Variants in PLCB1 observed in about 807,000 individuals in gnomAD.
PLCB1 encodes the protein 1-phosphatidylinositol 4,5-bisphosphate phosphodiesterase beta-1.
A neutral mutation model predicts 161.8 loss-of-function variants in PLCB1; 46 were observed. That is an observed-to-expected ratio of 0.28 (90% CI 0.22 to 0.36). The LOEUF (loss-of-function observed/expected upper bound fraction) is 0.36, where lower values mean the gene tolerates loss of function less well. Ranked by LOEUF, PLCB1 falls within the 10% of genes least tolerant of loss-of-function variation. The probability of loss-of-function intolerance (pLI) is 1.00; values close to 1 mark genes in which losing one functional copy is unlikely to be tolerated. For missense variants in PLCB1, 1,016 were observed against 1,472.5 expected (o/e 0.69, Z 5.07); for synonymous variants, 517 against 503.7 (o/e 1.03, Z -0.35).
chr20:8,308,916 A>AT (rs552246373), intron 2 of PLCB1, among the ~76,000 whole-genome samples: 8 of 151,666 alleles, frequency 5.3e-5, no homozygotes, highest in East Asian at 1.9e-4. Context: ...GGACTCATAG[A>AT]TTTTTTTCTT....
rs532232450 is a variant in PLCB1, at chr20:8,577,722, A to G, written c.247-50572A>G. Among the ~76,000 whole-genome samples the G allele has an allele frequency of 1.2e-3, 179 of 152,282 alleles. 5 individuals are homozygous for G. In the South Asian group the frequency reaches 0.034, roughly 29 times the overall value. On this transcript the variant is annotated intron_variant, in intron 3 of 31. Transcript: ENST00000338037. ...CATGCTAGAGGTAAATCCATGGGCA[A>G]TAAACCATGCCAGTTCTCTTTTCTG...
At chr20:8,823,208 C>T (rs1043949806) in intron 31 of PLCB1, among the ~76,000 whole-genome samples, 36 of 152,296 alleles carry the variant, frequency 2.4e-4, no homozygotes, top group Middle Eastern at 3.4e-3. Flanking sequence ...CTGCAGTCTT[C>T]GCCTCCTGTG....
intron 2 of PLCB1, among the ~76,000 whole-genome samples, chr20:8,310,436 T>C (rs545572631): frequency 6.6e-6 from 1 of 152,312 alleles, no homozygotes; most frequent in East Asian, 1.9e-4. Flanking sequence ...TATACTGTTT[T>C]ATTGCATTTA....
chr20:8,693,590 G>A (rs527256647), intron 10 of PLCB1, among the ~76,000 whole-genome samples: 82 of 152,278 alleles, frequency 5.4e-4, no homozygotes, highest in African/African-American at 1.8e-3. Flanking sequence ...ATTGAAGAAG[G>A]CCACTGAATT....
chr20:8,797,222 A>T (rs1984070146), intron 31 of PLCB1, among the ~76,000 whole-genome samples: 1 of 151,854 alleles, frequency 6.6e-6, no homozygotes, highest in South Asian at 2.1e-4. Context: ...ATGATAATTT[A>T]TATTCCCCCT....
At chr20:8,153,464 T>TA (rs1354574485) in intron 2 of PLCB1, among the ~76,000 whole-genome samples, 1 of 152,136 alleles carries the variant, frequency 6.6e-6, no homozygotes, top group Admixed American at 6.6e-5. Context: ...AGAGGTGGCC[T>TA]ACATTAGGCT....
chr20:8,240,615 C>T (rs1026748840), intron 2 of PLCB1, among the ~76,000 whole-genome samples: 3 of 151,890 alleles, frequency 2.0e-5, no homozygotes, highest in Admixed American at 6.6e-5. Flanking sequence ...CATAGGGAAG[C>T]GTAAATGCAT....
At chr20:8,419,896 G>A (rs1979468886) in intron 3 of PLCB1, among the ~76,000 whole-genome samples, 1 of 152,096 alleles carries the variant, frequency 6.6e-6, no homozygotes, top group South Asian at 2.1e-4. Flanking sequence ...TAGACTTAAT[G>A]TTGTGGTGGG....
intron 3 of PLCB1, among the ~76,000 whole-genome samples, chr20:8,552,307 A>C (rs1159496211): frequency 3.9e-5 from 6 of 152,208 alleles, no homozygotes. Flanking sequence ...TTCCTTGGAC[A>C]GTATAGAGAA....
intron 2 of PLCB1, among the ~76,000 whole-genome samples, chr20:8,228,629 T>A (rs189808799): frequency 1.1e-4 from 17 of 152,172 alleles, no homozygotes; most frequent in African/African-American, 3.6e-4. Context: ...CACCTCAGCC[T>A]CCCACAGAAT....
At chr20:8,853,969 C>G (rs989197217) in intron 31 of PLCB1, among the ~76,000 whole-genome samples, 2 of 152,128 alleles carry the variant, frequency 1.3e-5, no homozygotes, top group African/African-American at 4.8e-5. Context: ...CACTAGAGGG[C>G]AAGAGGAGCC....
At chr20:8,656,242 A>T (rs73598296) in intron 7 of PLCB1, among the ~76,000 whole-genome samples, 1 of 152,012 alleles carries the variant, frequency 6.6e-6, no homozygotes, top group Non-Finnish European at 1.5e-5. Context: ...CATTCATTCA[A>T]TCCACAAATA....
intron 4 of PLCB1, among the ~76,000 whole-genome samples, chr20:8,632,227 A>G (rs1333145718): frequency 3.3e-5 from 5 of 151,820 alleles, no homozygotes; most frequent in East Asian, 1.9e-4. Flanking sequence ...GGGAGAGAGC[A>G]CTAGAGAAGA....
chr20:8,535,202 C>CAAAAAAAA (rs11323420), intron 3 of PLCB1, among the ~76,000 whole-genome samples: 5 of 52,796 alleles, frequency 9.5e-5, no homozygotes, highest in Admixed American at 6.2e-4. Context: ...AGTTTATGGG[C>CAAAAAAAA]AAAAAAAAAA....
chr20:8,836,656 T>C (rs1192790957), intron 31 of PLCB1, among the ~76,000 whole-genome samples: 1 of 151,990 alleles, frequency 6.6e-6, no homozygotes, highest in Non-Finnish European at 1.5e-5. Context: ...TAGAGATATA[T>C]AAATATTACC....
chr20:8,188,853 A>T (rs1427108380), intron 2 of PLCB1, among the ~76,000 whole-genome samples: 1 of 152,160 alleles, frequency 6.6e-6, no homozygotes, highest in Non-Finnish European at 1.5e-5. Context: ...TAGAATTCTT[A>T]CAGTATTGTG....
At chr20:8,864,165 G>A (rs929315599) in intron 31 of PLCB1, among the ~76,000 whole-genome samples, 1 of 152,120 alleles carries the variant, frequency 6.6e-6, no homozygotes, top group Non-Finnish European at 1.5e-5. Context: ...AAGAGAAAGG[G>A]GGAAATGATG....
At chr20:8,695,282 A>C (rs1486462945) in intron 10 of PLCB1, among the ~76,000 whole-genome samples, 1 of 152,208 alleles carries the variant, frequency 6.6e-6, no homozygotes, top group East Asian at 1.9e-4. Flanking sequence ...TATAAAAATA[A>C]AATTAAGCTA....
chr20:8,664,302 C>T (rs147518126), intron 9 of PLCB1, among the ~76,000 whole-genome samples: 2 of 152,166 alleles, frequency 1.3e-5, no homozygotes, highest in East Asian at 3.9e-4. Flanking sequence ...GATCACTACT[C>T]GCTGAGTTAA....
Sources: allele counts gnomAD v4.1 joint callset (sites outside exome capture counted in the v4.1 genomes callset), GRCh38; gene constraint gnomAD v4.1.1; transcripts MANE v1.5; gene names NCBI Gene and HGNC (gene_info 2026-07-23, HGNC 2026-07-21).